KMT5B: variants seen among roughly 807,000 people sequenced by gnomAD.
KMT5B encodes histone-lysine N-methyltransferase KMT5B.
A neutral mutation model predicts 83.2 loss-of-function variants in KMT5B; 10 were observed. The observed-to-expected ratio is 0.12, with a 90% CI of 0.07 to 0.20. KMT5B has a LOEUF of 0.20. KMT5B is among the 10% of genes least tolerant of loss of function. The pLI is 1.00. For synonymous variants in KMT5B, 349 were observed against 388.8 expected (o/e 0.90, Z 1.20); for missense variants, 753 against 1,067.2 (o/e 0.71, Z 4.10).
In KMT5B at chr11:68,174,981, C is replaced by A. The variant is rs1269043993; in HGVS notation, c.543+37G>T. On this transcript the variant is annotated intron_variant, in intron 5 of 10. Transcript: ENST00000304363. ...TTTTAATTTACTTCACTATTCTTATCCAAATAGGTTAACAGCATCAGTCTT... is the reference window on the plus strand; with the variant it reads ...TTTTAATTTACTTCACTATTCTTATACAAATAGGTTAACAGCATCAGTCTT... The A allele has an allele frequency of 7.0e-6, 11 of 1,574,176 alleles. No individual in the cohort carries two copies. In the East Asian group the frequency reaches 2.5e-4, roughly 35 times the overall value.
intron 3 of KMT5B, among the ~76,000 whole-genome samples, chr11:68,182,788 G>A (rs956274547): frequency 1.3e-5 from 2 of 150,830 alleles, no homozygotes; most frequent in Non-Finnish European, 2.9e-5. Flanking sequence ...CCAGGCTGGA[G>A]TGCAGTGGCG....
chr11:68,158,565 G>C lies in KMT5B; in HGVS notation c.1781C>G (p.Thr594Ser), dbSNP rs750243156. Residue 594 changes from threonine to serine, a missense_variant, in exon 11 of 11, where the codon ACT (threonine) becomes AGT (serine). Coordinates refer to ENST00000304363, the MANE Select transcript of KMT5B (RefSeq NM_017635.5). ...VLQEEELAHETAQKGEAKCHK... is the reference protein window; with the variant it reads ...VLQEEELAHESAQKGEAKCHK... The stretch of plus-strand genomic sequence containing the variant: ...ACACTTTGCCTCCCCTTTTTGTGCA[G>C]TCTCATGAGCCAGTTCTTCCTCCTG... The C allele has an allele frequency of 6.2e-7, 1 of 1,614,176 alleles. No individual in the cohort carries two copies.
intron 1 of KMT5B, among the ~76,000 whole-genome samples, chr11:68,202,366 A>G (rs909061691): frequency 2.0e-5 from 3 of 152,138 alleles, no homozygotes; most frequent in Admixed American, 1.3e-4. Flanking sequence ...GGGCCTTTGC[A>G]CTTGGGGTGC....
At chr11:68,209,757 C>T (rs1860635475) in intron 1 of KMT5B, among the ~76,000 whole-genome samples, 1 of 152,128 alleles carries the variant, frequency 6.6e-6, no homozygotes. Context: ...CTAAAACCTT[C>T]ATCTTTAAAC....
intron 1 of KMT5B, among the ~76,000 whole-genome samples, chr11:68,209,580 C>T (rs886549855): frequency 2.6e-5 from 4 of 152,172 alleles, no homozygotes; most frequent in East Asian, 1.9e-4. Context: ...GGTGTCACAA[C>T]ACACACATTC....
intron 10 of KMT5B, chr11:68,166,141 G>C: frequency 7.1e-7 from 1 of 1,414,602 alleles, no homozygotes. Context: ...AGAGACAAGT[G>C]AGACTCAAGA....
At chr11:68,186,658 C>T (rs1388567199) in intron 2 of KMT5B, among the ~76,000 whole-genome samples, 1 of 152,128 alleles carries the variant, frequency 6.6e-6, no homozygotes, top group African/African-American at 2.4e-5. Flanking sequence ...AAATGAAGGC[C>T]AAGTTTGTAA....
At chr11:68,186,144 T>C (rs1329297961) in intron 2 of KMT5B, among the ~76,000 whole-genome samples, 1 of 152,166 alleles carries the variant, frequency 6.6e-6, no homozygotes, top group African/African-American at 2.4e-5. Context: ...CAGGTAGTAA[T>C]AGCAGGTTCC....
At chr11:68,180,314 T>G (rs1435457557) in intron 3 of KMT5B, 114 bp from the exon 4 acceptor site, 1 of 1,406,508 alleles carries the variant, frequency 7.1e-7, no homozygotes, top group Non-Finnish European at 9.5e-7. Flanking sequence ...TAAAACTCTG[T>G]GATAATCAAG....
intron 10 of KMT5B, chr11:68,166,629 T>G (rs1352944051): frequency 3.8e-6 from 4 of 1,051,608 alleles, no homozygotes. Flanking sequence ...GAGTCTAATT[T>G]AATTCTACTC....
chr11:68,183,998 T>C (rs1248261357), intron 3 of KMT5B, among the ~76,000 whole-genome samples: 1 of 152,182 alleles, frequency 6.6e-6, no homozygotes, highest in Non-Finnish European at 1.5e-5. Flanking sequence ...GGCAGTCATT[T>C]GGCAGGGAAC....
chr11:68,201,953 G>A lies in KMT5B; in HGVS notation c.-77+11185C>T, dbSNP rs182066408. On this transcript the variant is annotated intron_variant, in intron 1 of 10. Coordinates refer to ENST00000304363, the MANE Select transcript of KMT5B (RefSeq NM_017635.5). ...AAAAAAAAAAAATTAGTCGGGTGTG[G>A]TGGTGCGTGCTTGTAGTCCCAGGTA... Among the ~76,000 whole-genome samples, 930 of 151,932 alleles carry A rather than the reference G, an allele frequency of 6.1e-3. 7 individuals carry two copies. The highest frequency in any genetic ancestry group is 0.022 in the African/African-American group (901 of 41,420).
chr11:68,160,187 C>G (rs1013459105), intron 10 of KMT5B, among the ~76,000 whole-genome samples: 1 of 152,178 alleles, frequency 6.6e-6, no homozygotes, highest in Admixed American at 6.5e-5. Flanking sequence ...ATCGAATAGA[C>G]GTGCTGTCAA....
intron 9 of KMT5B, 58 bp downstream of exon 9, chr11:68,170,957 C>T (rs983972847): frequency 1.3e-6 from 2 of 1,508,956 alleles, no homozygotes; most frequent in South Asian, 1.3e-5. Context: ...AGTTTAATCC[C>T]CATAATCAGG....
intron 4 of KMT5B, among the ~76,000 whole-genome samples, chr11:68,177,418 A>G (rs913817228): frequency 6.6e-6 from 1 of 152,214 alleles, no homozygotes; most frequent in African/African-American, 2.4e-5. Context: ...AGAGTTGACC[A>G]GGGTCAGCTA....
intron 10 of KMT5B, 78 bp from the exon 11 acceptor site, chr11:68,159,249 T>G: frequency 6.7e-7 from 1 of 1,492,832 alleles, no homozygotes; most frequent in Non-Finnish European, 8.8e-7. Context: ...ACCCAGGCTA[T>G]TAGCTACAGC....
At chr11:68,169,491 T>G (rs1855640927) in intron 9 of KMT5B, among the ~76,000 whole-genome samples, 1 of 152,220 alleles carries the variant, frequency 6.6e-6, no homozygotes, top group African/African-American at 2.4e-5. Context: ...CATATTCTAA[T>G]GGGAAAATAA....
Position 68,171,185 on chromosome 11 carries a change from C to G in KMT5B, c.841-34G>C. 6.2e-7 allele frequency: 1 copy of G among 1,606,562 alleles called. No individual in the cohort carries two copies. Among genetic ancestry groups the G allele is most frequent in the Non-Finnish European group, 8.5e-7 (1 of 1,178,478 alleles). On this transcript the variant is annotated intron_variant, in intron 8 of 10. Coordinates refer to ENST00000304363, the MANE Select transcript of KMT5B (RefSeq NM_017635.5). This position sits in a 1 kb window ranked among gnomAD's most constrained non-coding sequence, Gnocchi z 5.1. ...AAAGTAACTCAGTAAGAAACTCACA[C>G]CTGAAGCAAAAACAAAATACTTGAA...
rs146086325 is a variant in KMT5B at position 68,158,425 on chromosome 11, C to T, written c.1921G>A (p.Ala641Thr). ...PVHDSPGKDD[A>T]VPDLMGPHSD... Reference sequence around the variant, plus strand: ...TGGGGACCCATCAAATCTGGTACCGCGTCGTCTTTTCCAGGAGAATCGTGC... The same window carrying T: ...TGGGGACCCATCAAATCTGGTACCGTGTCGTCTTTTCCAGGAGAATCGTGC... The change falls in exon 11 of 11, where the codon GCG becomes ACG. Residue 641 changes from alanine to threonine, a missense_variant. By Grantham distance (58) the Ala-to-Thr change is moderately conservative. Around this residue, in one of 9 missense-constraint regions of KMT5B, gnomAD observed 397 missense variants for 395.9 expected, o/e 1.00. Transcript: ENST00000304363. 1.5e-5 allele frequency: 25 copies of T among 1,614,112 alleles called. No homozygotes were observed. The highest frequency in any genetic ancestry group is 5.5e-5 in the South Asian group (5 of 91,080).
Sources: gnomAD v4.1 joint callset for allele counts (sites outside exome capture counted in the v4.1 genomes callset) on GRCh38, gnomAD v4.1.1 for gene constraint, gnomAD v4.1.1 regional missense constraint, Gnocchi (gnomAD v3.1) non-coding constraint, MANE v1.5 for transcripts, NCBI Gene and HGNC (gene_info 2026-07-23, HGNC 2026-07-21) for gene names.